The following PRMT8 variants were observed in gnomAD, a reference collection of about 807,000 sequenced individuals.
PRMT8 encodes the protein protein arginine methyltransferase 8.
PRMT8 carries 7 observed loss-of-function variants against 47.1 expected under a neutral mutation model. That is an observed-to-expected ratio of 0.15 (90% CI 0.08 to 0.28). The LOEUF (loss-of-function observed/expected upper bound fraction) is 0.28. Ranked by LOEUF, PRMT8 falls within the 10% of genes least tolerant of loss-of-function variation. PRMT8 has a pLI of 1.00. For missense variants in PRMT8, 237 were observed against 505.4 expected, an observed-to-expected ratio of 0.47 and a Z score of 5.09; for synonymous variants, 188 against 186.5, an observed-to-expected ratio of 1.01 and a Z score of -0.07.
At chr12:3,397,174 T>C (rs1036117501) in intron 1 of PRMT8, among the ~76,000 whole-genome samples, 1 of 151,804 alleles carries the variant, frequency 6.6e-6, no homozygotes, top group Non-Finnish European at 1.5e-5. Context: ...TCCCATAGCT[T>C]GGAGTAATTT....
At chr12:3,488,397 C>T (rs906806220), upstream of PRMT8, among the ~76,000 whole-genome samples, 10 of 152,076 alleles carry the variant, frequency 6.6e-5, no homozygotes, top group Admixed American at 2.0e-4. Flanking sequence ...AAATAAAATG[C>T]GTCTTCAGAA....
intron 2 of PRMT8, 145 bp from the exon 3 acceptor site, chr12:3,549,791 C>G (rs1255552616): frequency 1.2e-6 from 1 of 833,036 alleles, no homozygotes; most frequent in African/African-American, 1.7e-5. Flanking sequence ...CCCAGCTACC[C>G]CAGTTTTGTC....
At chr12:3,588,097 GC>G (rs764185338) in intron 8 of PRMT8, among the ~76,000 whole-genome samples, 34 of 152,298 alleles carry the variant, frequency 2.2e-4, no homozygotes, top group Non-Finnish European at 4.3e-4. Context: ...CTGGGTGCAA[GC>G]CCTGGTTTTT....
chr12:3,549,150 T>C (rs1174128712), intron 2 of PRMT8, among the ~76,000 whole-genome samples: 2 of 152,198 alleles, frequency 1.3e-5, no homozygotes, highest in African/African-American at 4.8e-5. Context: ...CATGAAGGAC[T>C]TTCTGGGGTG....
intron 1 of PRMT8, among the ~76,000 whole-genome samples, chr12:3,389,425 C>T (rs1485497122): frequency 2.2e-4 from 34 of 152,206 alleles, no homozygotes; most frequent in Admixed American, 2.2e-3. Flanking sequence ...CCACCCTTCC[C>T]TTCTCAGACT....
chr12:3,426,853 A>G (rs1030739347), intron 1 of PRMT8, among the ~76,000 whole-genome samples: 2 of 151,328 alleles, frequency 1.3e-5, no homozygotes, highest in Non-Finnish European at 2.9e-5. Context: ...TATGAACAGC[A>G]GTCTCGGTGG....
At position 3,549,972 on chromosome 12, in the gene PRMT8, C is replaced by T; in HGVS notation, c.298C>T (p.Arg100Trp). The T allele has an allele frequency of 1.2e-6, 2 of 1,614,152 alleles. No homozygotes were observed. Among genetic ancestry groups the T allele is most frequent in the Non-Finnish European group, 8.5e-7 (1 of 1,180,004 alleles). The change falls in exon 3 of 10, where the codon CGG (arginine) becomes TGG (tryptophan). Residue 100 changes from arginine to tryptophan, a missense_variant. Coordinates refer to ENST00000382622, the MANE Select transcript of PRMT8 (RefSeq NM_019854.5). Reference sequence around the variant, plus strand: ...GGATGAGGTGCGGACTCTCACTTACCGGAACTCCATGTACCACAACAAGCA... The same window carrying T: ...GGATGAGGTGCGGACTCTCACTTACTGGAACTCCATGTACCACAACAAGCA... The part of the protein sequence containing the change: ...LKDEVRTLTY[R>W]NSMYHNKHVF...
At chr12:3,452,316 A>AACACACAC (rs10630697) in intron 1 of PRMT8, among the ~76,000 whole-genome samples, 5 of 150,060 alleles carry the variant, frequency 3.3e-5, no homozygotes, top group South Asian at 2.1e-4. Context: ...ACCTAAATTA[A>AACACACAC]ACACACACAC....
In PRMT8 at chr12:3,564,766, A is replaced by T. The variant is rs370422456; in HGVS notation, c.482-3940A>T. Among the ~76,000 whole-genome samples the T allele has an allele frequency of 8.5e-5, 13 of 152,374 alleles. 1 individual carries two copies. The highest frequency in any genetic ancestry group is 3.3e-4 in the Admixed American group (5 of 15,312). ...GCTCTGCAGCCTACGGCTGCTCGGA[A>T]TCTTAATATCAATAGCTTAGACCCC... On this transcript the variant is annotated intron_variant, in intron 4 of 9. Transcript: ENST00000382622. This position sits in a 1 kb window ranked among gnomAD's most constrained non-coding sequence, Gnocchi z 4.0.
intron 1 of PRMT8, among the ~76,000 whole-genome samples, chr12:3,479,917 A>G (rs1565418129): frequency 6.6e-6 from 1 of 152,150 alleles, no homozygotes; most frequent in Non-Finnish European, 1.5e-5. Flanking sequence ...GAATGAGAGG[A>G]AACTATGGTA....
At chr12:3,563,269 G>A (rs1231276292) in intron 4 of PRMT8, among the ~76,000 whole-genome samples, 1 of 152,018 alleles carries the variant, frequency 6.6e-6, no homozygotes, top group African/African-American at 2.4e-5. Flanking sequence ...GTTGGGCCCT[G>A]AGCCCTCAAG....
chr12:3,485,508 C>T (rs11062681), intron 1 of PRMT8, among the ~76,000 whole-genome samples: 6,652 of 152,220 alleles, frequency 0.044, 211 homozygotes, highest in Non-Finnish European at 0.069. Flanking sequence ...ATATTTAAAA[C>T]TCATTTATTA....
chr12:3,436,061 C>T lies in PRMT8; in HGVS notation c.48+54619C>T, dbSNP rs1323468601. 6.6e-6 allele frequency among the ~76,000 whole-genome samples: 1 copy of T among 152,042 alleles called. No individual in the cohort carries two copies. The highest frequency in any genetic ancestry group is 1.5e-5 in the Non-Finnish European group (1 of 68,018). ...ATGTGTTCAGGATGGAGAGTTCACA[C>T]CTGTGGTGAGGTTGGGCAAAGGCTT... On this transcript the variant is annotated intron_variant, in intron 1 of 9. Coordinates refer to the PRMT8 transcript ENST00000452611. The surrounding 1 kb of genome is among the most constrained non-coding windows in gnomAD (Gnocchi z 4.2).
chr12:3,436,128 G>A lies in PRMT8; in HGVS notation c.48+54686G>A, dbSNP rs936410168. ...TGACTTTGAGTGAAGGTTATTGGGTGCCTCAGGCCCTGCTTACCTGCTTAT... is the reference window on the plus strand; with the variant it reads ...TGACTTTGAGTGAAGGTTATTGGGTACCTCAGGCCCTGCTTACCTGCTTAT... On this transcript the variant is annotated intron_variant, in intron 1 of 9. Transcript: ENST00000452611. This position sits in a 1 kb window ranked among gnomAD's most constrained non-coding sequence, Gnocchi z 4.2. 1.3e-5 allele frequency among the ~76,000 whole-genome samples: 2 copies of A among 152,120 alleles called. No homozygotes were observed. The highest frequency in any genetic ancestry group is 2.4e-5 in the African/African-American group (1 of 41,396).
chr12:3,400,684 A>G (rs1296572081), intron 1 of PRMT8, among the ~76,000 whole-genome samples: 4 of 152,220 alleles, frequency 2.6e-5, no homozygotes, highest in Non-Finnish European at 5.9e-5. Flanking sequence ...CCTGATACCA[A>G]AACCTGGAAG....
At chr12:3,421,517 A>G (rs563952697) in intron 1 of PRMT8, among the ~76,000 whole-genome samples, 2 of 152,264 alleles carry the variant, frequency 1.3e-5, no homozygotes, top group East Asian at 3.9e-4. Flanking sequence ...GGCTCCAGCC[A>G]TCTGTCACGT....
chr12:3,420,847 C>T (rs889183136), intron 1 of PRMT8, among the ~76,000 whole-genome samples: 2 of 152,170 alleles, frequency 1.3e-5, no homozygotes, highest in East Asian at 3.9e-4. Context: ...CACCTACTCA[C>T]AGGGCAGTGA....
chr12:3,491,399 T>G lies in PRMT8; in HGVS notation c.-227T>G. 7.8e-7 allele frequency: 1 copy of G among 1,279,264 alleles called. No individual in the cohort carries two copies. The highest frequency in any genetic ancestry group is 1.5e-5 in the African/African-American group (1 of 66,240). 79.2% of individuals were successfully genotyped at this position (1,279,264 alleles called of 1,614,324 possible). A position where few individuals can be genotyped will look rare whatever the true frequency, so the allele number is the denominator to read the frequency against. On this transcript the variant is annotated 5_prime_UTR_variant, in exon 1 of 10. Coordinates refer to ENST00000382622, the MANE Select transcript of PRMT8 (RefSeq NM_019854.5). ...GGGGGTCGGGGGCACGAGAAGAACTTGAAACCGTGTGAAGGAATCCGGAGC... is the reference window on the plus strand; with the variant it reads ...GGGGGTCGGGGGCACGAGAAGAACTGGAAACCGTGTGAAGGAATCCGGAGC...
chr12:3,467,909 CAG>C (rs1186895996), intron 1 of PRMT8, among the ~76,000 whole-genome samples: 1 of 152,208 alleles, frequency 6.6e-6, no homozygotes, highest in Non-Finnish European at 1.5e-5. Context: ...CTCAGACAGG[CAG>C]AGACAAGCTG....
Sources: gnomAD v4.1 joint callset for allele counts (sites outside exome capture counted in the v4.1 genomes callset) on GRCh38, gnomAD v4.1.1 for gene constraint, Gnocchi (gnomAD v3.1) non-coding constraint, MANE v1.5 for transcripts, NCBI Gene and HGNC (gene_info 2026-07-23, HGNC 2026-07-21) for gene names.